The following DTX4 variants were observed in gnomAD, a reference collection of about 807,000 sequenced individuals.
The protein encoded by DTX4 is deltex E3 ubiquitin ligase 4.
Under a neutral mutation model 57.6 loss-of-function variants are expected in DTX4, and 28 were observed. The observed-to-expected ratio is 0.49, with a 90% CI of 0.36 to 0.67. DTX4 has a LOEUF of 0.67. DTX4 is among the 30% of genes least tolerant of loss of function. The pLI, the probability that DTX4 is intolerant of heterozygous loss-of-function variation, is 0.00. For synonymous variants in DTX4, 316 were observed against 331.0 expected (o/e 0.95, Z 0.49); for missense variants, 715 against 836.8 (o/e 0.85, Z 1.80).
intron 8 of DTX4, among the ~76,000 whole-genome samples, chr11:59,202,723 G>C (rs1384249162): frequency 2.0e-5 from 3 of 152,140 alleles, no homozygotes; most frequent in African/African-American, 7.2e-5. Flanking sequence ...TAAGACCAAG[G>C]CAAGTCTTTT....
intron 8 of DTX4, among the ~76,000 whole-genome samples, chr11:59,204,226 G>A (rs1862775019): frequency 6.6e-6 from 1 of 152,174 alleles, no homozygotes; most frequent in Admixed American, 6.5e-5. Context: ...AGTGGTGGCA[G>A]TAATGAAGGG....
upstream of DTX4, among the ~76,000 whole-genome samples, chr11:59,172,085 G>C: frequency 7.1e-6 from 1 of 141,006 alleles, no homozygotes; most frequent in South Asian, 2.5e-4. Context: ...TTCGTGCGGC[G>C]AAGGGGTGGG....
At position 59,195,382 on chromosome 11, in the gene DTX4, C is replaced by T; in HGVS notation, c.1536+13C>T. 1 of 1,592,508 alleles carries T rather than the reference C, an allele frequency of 6.3e-7. No homozygotes were observed. Among genetic ancestry groups the T allele is most frequent in the Non-Finnish European group, 8.6e-7 (1 of 1,166,172 alleles). Reference sequence around the variant, plus strand: ...CCCCGGCATTCAGGTGAGCCTTTCTCTCAGGTGAGCCTTTCTGTCACCCCT... The same window carrying T: ...CCCCGGCATTCAGGTGAGCCTTTCTTTCAGGTGAGCCTTTCTGTCACCCCT... On this transcript the variant is annotated intron_variant, in intron 7 of 8. Coordinates refer to ENST00000227451, the MANE Select transcript of DTX4 (RefSeq NM_015177.2).
intron 6 of DTX4, among the ~76,000 whole-genome samples, chr11:59,194,633 C>T (rs1862639728): frequency 6.6e-6 from 1 of 152,226 alleles, no homozygotes; most frequent in South Asian, 2.1e-4. Flanking sequence ...ATAAGGGAAA[C>T]TGAGACTCAG....
chr11:59,198,358 T>C (rs1862700142), intron 7 of DTX4, among the ~76,000 whole-genome samples: 1 of 152,192 alleles, frequency 6.6e-6, no homozygotes. Flanking sequence ...TAGAAACAGC[T>C]GGGGCCATGG....
chr11:59,192,155 C>T lies in DTX4; in HGVS notation c.1279C>T (p.Pro427Ser), dbSNP rs767458436. Reference protein sequence around the residue: ...TAPSGYKGPQPTVKPDLVGKL... With the variant: ...TAPSGYKGPQSTVKPDLVGKL... ...CCCCTCAGGCTACAAGGGCCCGCAG[C>T]CTACGGTAAAACCTGACCTGGTAGG... Residue 427 changes from proline (P) to serine (S), a missense_variant, in exon 6 of 9, where the codon CCT (proline) becomes TCT (serine). By Grantham distance (74) the Pro-to-Ser change is moderately conservative. Coordinates refer to ENST00000227451, the MANE Select transcript of DTX4 (RefSeq NM_015177.2). 1.2e-6 allele frequency: 2 copies of T among 1,613,960 alleles called. No homozygotes were observed. The highest frequency in any genetic ancestry group is 4.5e-5 in the East Asian group (2 of 44,862).
At chr11:59,173,873 C>T (rs1862361009) in intron 1 of DTX4, among the ~76,000 whole-genome samples, 1 of 152,090 alleles carries the variant, frequency 6.6e-6, no homozygotes. Context: ...GTTTCTGCCT[C>T]CGTCAGTGAC....
rs1379369787 is a variant in DTX4, at chr11:59,205,047, A to T, written c.*138A>T. On this transcript the variant is annotated 3_prime_UTR_variant, in exon 9 of 9. Coordinates refer to ENST00000227451, the MANE Select transcript of DTX4 (RefSeq NM_015177.2). ...CCCTCCTGCCCTGTGTCCATCCCTC[A>T]TCCCTCCCAACCACAGTGGGAGCCA... The T allele has an allele frequency of 1.4e-6, 1 of 704,662 alleles. No individual in the cohort carries two copies. The highest frequency in any genetic ancestry group is 1.8e-5 in the South Asian group (1 of 56,122). 43.7% of individuals were successfully genotyped at this position (704,662 alleles called of 1,614,324 possible).
intron 2 of DTX4, 103 bp from the exon 3 acceptor site, chr11:59,188,632 G>A: frequency 2.1e-6 from 2 of 935,168 alleles, no homozygotes; most frequent in South Asian, 2.9e-5. Context: ...ACTTCCTGCT[G>A]TCTGCTGTGT....
rs1395897413 is a variant in DTX4, at chr11:59,177,039, C to T, written c.211+4233C>T. 3.9e-5 allele frequency among the ~76,000 whole-genome samples: 6 copies of T among 152,220 alleles called. No homozygotes were observed. The East Asian group carries it at 1.2e-3, about 29-fold the overall frequency. On this transcript the variant is annotated intron_variant, in intron 1 of 8. Transcript: ENST00000227451. Reference sequence around the variant, plus strand: ...GTTGAATTGAACTCAACAACTTTCCCTCCAAAACCAGCTCTTCCTCTTGAC... The same window carrying T: ...GTTGAATTGAACTCAACAACTTTCCTTCCAAAACCAGCTCTTCCTCTTGAC...
Position 59,188,751 on chromosome 11 carries a change from G to T in DTX4, c.952G>T (p.Val318Leu), listed in dbSNP as rs1862558768. 2 of 1,614,016 alleles carry T rather than the reference G, an allele frequency of 1.2e-6. No homozygotes were observed. Among genetic ancestry groups the T allele is most frequent in the East Asian group, 2.2e-5 (1 of 44,888 alleles). Reference sequence around the variant, plus strand: ...CTTTCACAGGGTCCCCACAGTCCCAGTGAAGAACCTAAATGGGTCCAGTCC... The same window carrying T: ...CTTTCACAGGGTCCCCACAGTCCCATTGAAGAACCTAAATGGGTCCAGTCC... ...LIASGVPTVP[V>L]KNLNGSSPVN... Residue 318 changes from valine to leucine, a missense_variant, in exon 3 of 9, where the codon GTG (valine) becomes TTG (leucine). Transcript: ENST00000227451.
rs775324173 is a variant in DTX4 at position 59,204,706 on chromosome 11, C to T, written c.1657C>T (p.Arg553Cys). 7 of 1,613,344 alleles carry T rather than the reference C, an allele frequency of 4.3e-6. No homozygotes were observed. Among genetic ancestry groups the T allele is most frequent in the African/African-American group, 2.7e-5 (2 of 74,924 alleles). Residue 553 changes from arginine (R) to cysteine (C), a missense_variant, in exon 9 of 9, where the codon CGC (arginine) becomes TGC (cysteine). Physicochemically the swap from Arg to Cys is radical, Grantham distance 180. Transcript: ENST00000227451. ...GAAGCTGCTGCTCGTGGCCTGGGAT[C>T]GCCGCCTCATTTTTGCCATTGGCAC... is the stretch of plus-strand genomic sequence containing the variant. ...VLKLLLVAWD[R>C]RLIFAIGTSS...
chr11:59,189,219 C>T lies in DTX4; in HGVS notation c.1055C>T (p.Pro352Leu). ...AGLPVCLTRP[P>L]KLVLHPPPVS... ...CTGCCTGTGTGTCTCACCAGGCCAC[C>T]AAAGCTGGTCCTACACCCACCCCCC... The change falls in exon 4 of 9, where the codon CCA becomes CTA. Residue 352 changes from proline (P) to leucine (L), a missense_variant. Coordinates refer to ENST00000227451, the MANE Select transcript of DTX4 (RefSeq NM_015177.2). 1 of 1,613,546 alleles carries T rather than the reference C, an allele frequency of 6.2e-7. No homozygotes were observed. The highest frequency in any genetic ancestry group is 2.2e-5 in the East Asian group (1 of 44,858).
In DTX4 at chr11:59,181,835, C is replaced by T. The variant is rs539999797; in HGVS notation, c.308C>T (p.Thr103Met). The change falls in exon 2 of 9, where the codon ACG becomes ATG. Residue 103 changes from threonine (T) to methionine (M), a missense_variant. Thr to Met is a moderately conservative substitution (Grantham distance 81). Transcript: ENST00000227451. ...TGGGAGAACGACAATGGCTCCTGGA[C>T]GCCCTACGACATGGAAGTGGGCATC... ...WEWENDNGSW[T>M]PYDMEVGITI... The T allele has an allele frequency of 6.1e-5, 99 of 1,613,976 alleles. No homozygotes were observed. Among genetic ancestry groups the T allele is most frequent in the African/African-American group, 2.4e-4 (18 of 75,032 alleles).
Position 59,182,406 on chromosome 11 carries a change from T to G in DTX4, c.879T>G (p.Asn293Lys), listed in dbSNP as rs1275912949. 6.2e-7 allele frequency: 1 copy of G among 1,613,486 alleles called. No homozygotes were observed. The highest frequency in any genetic ancestry group is 2.2e-5 in the East Asian group (1 of 44,870). The change falls in exon 2 of 9, where the codon AAT becomes AAG. Residue 293 changes from asparagine to lysine, a missense_variant. Coordinates refer to ENST00000227451, the MANE Select transcript of DTX4 (RefSeq NM_015177.2). ...KTGRVALATL[N>K]RTNLQRLAIA... ...GAAGGGTGGCCCTGGCCACCTTGAA[T>G]CGTACCAACCTGCAGCGACTGGCCA...
chr11:59,174,420 C>A (rs1028504445), intron 1 of DTX4, among the ~76,000 whole-genome samples: 1 of 142,432 alleles, frequency 7.0e-6, no homozygotes, highest in African/African-American at 2.7e-5. Context: ...GTGTGTTGGG[C>A]GGAGCTGAGC....
At chr11:59,187,175 T>C (rs1862539207) in intron 2 of DTX4, among the ~76,000 whole-genome samples, 1 of 152,212 alleles carries the variant, frequency 6.6e-6, no homozygotes, top group Non-Finnish European at 1.5e-5. Context: ...TTCTGGTCTA[T>C]GTTTGCAGTG....
At position 59,208,484 on chromosome 11, in the gene DTX4, T is replaced by C. The variant is rs902131693; in HGVS notation, c.*3575T>C. ...GTCTCTTTGCCTGGCTGCAATATAG[T>C]GTGTGTTTAAATTATTTACAGGCTG... On this transcript the variant is annotated 3_prime_UTR_variant, in exon 9 of 9. Transcript: ENST00000227451. 6.6e-6 allele frequency: 1 copy of C among 152,214 alleles called. No individual in the cohort carries two copies. The highest frequency in any genetic ancestry group is 2.4e-5 in the African/African-American group (1 of 41,456). The allele number at this position is 152,214 out of a possible 1,614,324, so 9.4% of individuals were successfully genotyped here. A position where few individuals can be genotyped will look rare whatever the true frequency, so the allele number is the denominator to read the frequency against.
chr11:59,204,568 A>G, intron 8 of DTX4, 108 bp from the exon 9 acceptor site: 1 of 1,033,560 alleles, frequency 9.7e-7, no homozygotes, highest in Non-Finnish European at 1.4e-6. Flanking sequence ...TTAGGGTATC[A>G]TGATGCAGGA....
Sources: allele counts gnomAD v4.1 joint callset (sites outside exome capture counted in the v4.1 genomes callset), GRCh38; gene constraint gnomAD v4.1.1; transcripts MANE v1.5; gene names NCBI Gene and HGNC (gene_info 2026-07-23, HGNC 2026-07-21).